KIRREL3: variants seen among roughly 807,000 people sequenced by gnomAD.
The protein encoded by KIRREL3 is kirre like nephrin family adhesion molecule 3.
Under a neutral mutation model 89.7 loss-of-function variants are expected in KIRREL3, and 36 were observed. That is an observed-to-expected ratio of 0.40 (90% CI 0.31 to 0.53). The LOEUF is 0.53. Ranked by LOEUF, KIRREL3 falls within the 20% of genes least tolerant of loss-of-function variation. The probability of loss-of-function intolerance (pLI) is 0.49; values close to 1 mark genes in which losing one functional copy is unlikely to be tolerated. For synonymous variants in KIRREL3, 445 were observed against 441.4 expected, an observed-to-expected ratio of 1.01 and a Z score of -0.10; for missense variants, 864 against 1,056.6, an observed-to-expected ratio of 0.82 and a Z score of 2.53.
At chr11:126,584,499 A>C (rs367840295) in intron 1 of KIRREL3, among the ~76,000 whole-genome samples, 1 of 152,068 alleles carries the variant, frequency 6.6e-6, no homozygotes, top group Admixed American at 6.5e-5. Flanking sequence ...ATTTTTGTCT[A>C]TGCTCCTCAG....
intron 1 of KIRREL3, among the ~76,000 whole-genome samples, chr11:126,988,938 C>G (rs1705097839): frequency 6.6e-6 from 1 of 152,148 alleles, no homozygotes; most frequent in African/African-American, 2.4e-5. Flanking sequence ...CTCCTCCCTC[C>G]TCAGTTCAGC....
At position 126,729,127 on chromosome 11, in the gene KIRREL3, C is replaced by A. The variant is rs1948510109; in HGVS notation, c.56-166215G>T. Among the ~76,000 whole-genome samples, 2 of 152,186 alleles carry A rather than the reference C, an allele frequency of 1.3e-5. No homozygotes were observed. The highest frequency in any genetic ancestry group is 4.1e-4 in the South Asian group (2 of 4,832). ...TCCCTCATCTCTAGCAGAATGGCTG[C>A]CTCCTTAGTCCAGACTGAGTCCTGT... On this transcript the variant is annotated intron_variant, in intron 1 of 16. Transcript: ENST00000525144. The surrounding 1 kb of genome is among the most constrained non-coding windows in gnomAD (Gnocchi z 4.5).
At chr11:126,573,610 T>C (rs1435614203) in intron 1 of KIRREL3, among the ~76,000 whole-genome samples, 1 of 152,214 alleles carries the variant, frequency 6.6e-6, no homozygotes. Context: ...CTGTATCCTA[T>C]AATTAAATTG....
At chr11:126,672,721 C>A (rs923701113) in intron 1 of KIRREL3, among the ~76,000 whole-genome samples, 1 of 152,080 alleles carries the variant, frequency 6.6e-6, no homozygotes, top group African/African-American at 2.4e-5. Flanking sequence ...AGAATAATAC[C>A]AACAGCTCTG....
In KIRREL3 at chr11:126,689,560, T is replaced by G. The variant is rs898903127; in HGVS notation, c.56-126648A>C. On this transcript the variant is annotated intron_variant, in intron 1 of 16. Coordinates refer to ENST00000525144, the MANE Select transcript of KIRREL3 (RefSeq NM_032531.4). The surrounding 1 kb of genome is among the most constrained non-coding windows in gnomAD (Gnocchi z 5.2). Reference sequence around the variant, plus strand: ...TCTTGTCACCTGGCTCTACCTTACCTTGACACTCCCAAGTGTAGACATGCC... The same window carrying G: ...TCTTGTCACCTGGCTCTACCTTACCGTGACACTCCCAAGTGTAGACATGCC... 1.3e-5 allele frequency among the ~76,000 whole-genome samples: 2 copies of G among 152,176 alleles called. No homozygotes were observed. Among genetic ancestry groups the G allele is most frequent in the African/African-American group, 2.4e-5 (1 of 41,448 alleles).
chr11:126,665,911 C>A (rs1945641357), intron 1 of KIRREL3, among the ~76,000 whole-genome samples: 1 of 152,218 alleles, frequency 6.6e-6, no homozygotes, highest in Admixed American at 6.5e-5. Context: ...ATAGACCCAT[C>A]ACCTTGTGCC....
rs1565486562 is a variant in KIRREL3 at position 126,995,180 on chromosome 11, GC to G, written c.55+5274del. On this transcript the variant is annotated intron_variant, in intron 1 of 16. Transcript: ENST00000525144. This position sits in a 1 kb window ranked among gnomAD's most constrained non-coding sequence, Gnocchi z 6.5. ...GATATGAAATCCAAGGGAACTGTTA[GC>G]CCCCCAGAGCAGCTGCTCCCACCGA... The G allele has an allele frequency of 8.8e-6, 4 of 455,934 alleles. No homozygotes were observed. The highest frequency in any genetic ancestry group is 1.8e-5 in the Non-Finnish European group (4 of 226,918). The allele number at this position is 455,934 out of a possible 1,614,324, so 28.2% of individuals were successfully genotyped here. A position where few individuals can be genotyped will look rare whatever the true frequency, so the allele number is the denominator to read the frequency against.
At position 126,557,762 on chromosome 11, in the gene KIRREL3, G is replaced by C. The variant is rs935639936; in HGVS notation, c.133+5073C>G. ...GGGCTCTGACTCCCCTGTAAGGCTG[G>C]GAAGTGAGGACAGGTGCTGTGGGGG... is the stretch of plus-strand genomic sequence containing the variant. On this transcript the variant is annotated intron_variant, in intron 2 of 16. Transcript: ENST00000525144. This position sits in a 1 kb window ranked among gnomAD's most constrained non-coding sequence, Gnocchi z 5.6. 3.4e-4 allele frequency among the ~76,000 whole-genome samples: 52 copies of C among 152,176 alleles called. No homozygotes were observed. Among genetic ancestry groups the C allele is most frequent in the African/African-American group, 1.2e-3 (51 of 41,432 alleles).
At chr11:126,868,734 TC>T (rs1945006364) in intron 1 of KIRREL3, among the ~76,000 whole-genome samples, 1 of 152,120 alleles carries the variant, frequency 6.6e-6, no homozygotes, top group Non-Finnish European at 1.5e-5. Flanking sequence ...CTACTGGCAG[TC>T]TGCTTGGGGC....
Position 126,432,581 on chromosome 11 carries a change from A to C in KIRREL3, c.1589-1055T>G, listed in dbSNP as rs1591522634. ...TCTCACTGCTCCCACCCCTCCACTC[A>C]CCCCACTCCCACCCCGTCCAGCTCC... On this transcript the variant is annotated intron_variant, in intron 13 of 16. Coordinates refer to ENST00000525144, the MANE Select transcript of KIRREL3 (RefSeq NM_032531.4). The surrounding 1 kb of genome is among the most constrained non-coding windows in gnomAD (Gnocchi z 6.2). Among the ~76,000 whole-genome samples, 2 of 147,934 alleles carry C rather than the reference A, an allele frequency of 1.4e-5. No homozygotes were observed. The highest frequency in any genetic ancestry group is 2.2e-4 in the South Asian group (1 of 4,640).
intron 1 of KIRREL3, among the ~76,000 whole-genome samples, chr11:126,998,063 G>C (rs549546212): frequency 6.6e-6 from 1 of 152,090 alleles, no homozygotes; most frequent in Non-Finnish European, 1.5e-5. Flanking sequence ...AGCCATGTGG[G>C]CTAGACCTCC....
intron 1 of KIRREL3, among the ~76,000 whole-genome samples, chr11:126,984,489 G>C (rs970073193): frequency 4.6e-5 from 7 of 152,174 alleles, no homozygotes; most frequent in Non-Finnish European, 7.4e-5. Context: ...ACAGCCTATG[G>C]ACCCAGTAAA....
intron 1 of KIRREL3, among the ~76,000 whole-genome samples, chr11:126,743,178 A>C (rs10893561): frequency 0.22 from 33,013 of 151,784 alleles, 4,046 homozygotes; most frequent in African/African-American, 0.31. Flanking sequence ...AACAAACAAA[A>C]AAAACAGCAC....
rs1407462975 is a variant in KIRREL3, at chr11:126,676,860, C to T, written c.56-113948G>A. ...TATACAGTGGCTCAACCACAGGTCA[C>T]CGCAGCCTCGATCTCCCAGGCTCAA... On this transcript the variant is annotated intron_variant, in intron 1 of 16. Coordinates refer to ENST00000525144, the MANE Select transcript of KIRREL3 (RefSeq NM_032531.4). The surrounding 1 kb of genome is among the most constrained non-coding windows in gnomAD (Gnocchi z 4.5). Among the ~76,000 whole-genome samples, 1 of 152,016 alleles carries T rather than the reference C, an allele frequency of 6.6e-6. No individual in the cohort carries two copies. Among genetic ancestry groups the T allele is most frequent in the Non-Finnish European group, 1.5e-5 (1 of 68,012 alleles).
intron 1 of KIRREL3, among the ~76,000 whole-genome samples, chr11:126,849,206 G>A (rs4937203): frequency 0.85 from 129,041 of 152,050 alleles, 54,959 homozygotes; most frequent in East Asian, 1. Flanking sequence ...ACCTCTGGTC[G>A]TCCTCACTGC....
In KIRREL3 at chr11:126,759,448, A is replaced by G. The variant is rs1949604960; in HGVS notation, c.56-196536T>C. On this transcript the variant is annotated intron_variant, in intron 1 of 16. Transcript: ENST00000525144. ...CGGCCATGGGTATGTTTTTTAATGCATGTCATATATTAGAACCAGAGCACG... is the reference window on the plus strand; with the variant it reads ...CGGCCATGGGTATGTTTTTTAATGCGTGTCATATATTAGAACCAGAGCACG... Among the ~76,000 whole-genome samples, 3 of 152,214 alleles carry G rather than the reference A, an allele frequency of 2.0e-5. No homozygotes were observed. The South Asian group carries it at 6.2e-4, about 32-fold the overall frequency.
chr11:126,906,913 A>G lies in KIRREL3; in HGVS notation c.55+93542T>C, dbSNP rs1243727847. On this transcript the variant is annotated intron_variant, in intron 1 of 16. Transcript: ENST00000525144. This position sits in a 1 kb window ranked among gnomAD's most constrained non-coding sequence, Gnocchi z 4.1. Reference sequence around the variant, plus strand: ...TTCTTTTTCTGTGTAATTCCATTTGATAAAGAAAAAGCATTTAGAAAGGTT... The same window carrying G: ...TTCTTTTTCTGTGTAATTCCATTTGGTAAAGAAAAAGCATTTAGAAAGGTT... Among the ~76,000 whole-genome samples, 1 of 152,168 alleles carries G rather than the reference A, an allele frequency of 6.6e-6. No homozygotes were observed. The highest frequency in any genetic ancestry group is 6.5e-5 in the Admixed American group (1 of 15,284).
chr11:126,423,606 T>A lies in KIRREL3; in HGVS notation c.*974A>T, dbSNP rs1225199903. 3 of 152,218 alleles carry A rather than the reference T, an allele frequency of 2.0e-5. No individual in the cohort carries two copies. The East Asian group carries it at 5.8e-4, about 29-fold the overall frequency. The allele number at this position is 152,218 out of a possible 1,614,324, so 9.4% of individuals were successfully genotyped here. On this transcript the variant is annotated 3_prime_UTR_variant, in exon 17 of 17. Transcript: ENST00000525144. ...ACTGAAGACAGGATCGCCGTTCTTG[T>A]GTTTATCAGCTGAGAAGGGCAGTCT...
intron 1 of KIRREL3, among the ~76,000 whole-genome samples, chr11:126,648,609 C>A (rs1944786463): frequency 6.6e-6 from 1 of 152,138 alleles, no homozygotes; most frequent in Non-Finnish European, 1.5e-5. Context: ...AATGTCAGCC[C>A]CATGAAGTCT....
Sources: allele counts gnomAD v4.1 joint callset (sites outside exome capture counted in the v4.1 genomes callset), GRCh38; gene constraint gnomAD v4.1.1; non-coding constraint Gnocchi (gnomAD v3.1); transcripts MANE v1.5; gene names NCBI Gene and HGNC (gene_info 2026-07-23, HGNC 2026-07-21).